SPECC1: variants seen among roughly 807,000 people sequenced by gnomAD.
The protein encoded by SPECC1 is sperm antigen with calponin homology and coiled-coil domains 1.
SPECC1 carries 62 observed loss-of-function variants against 104.1 expected under a neutral mutation model. The ratio of observed to expected loss-of-function variants is 0.60; its 90% CI spans 0.49 to 0.74. SPECC1 has a LOEUF of 0.74. Ranked by LOEUF, SPECC1 falls within the 30% of genes least tolerant of loss-of-function variation. The probability of loss-of-function intolerance (pLI) is 0.00; values close to 1 mark genes in which losing one functional copy is unlikely to be tolerated. For synonymous variants in SPECC1, 513 were observed against 501.6 expected, an observed-to-expected ratio of 1.02 and a Z score of -0.30; for missense variants, 1,306 against 1,310.5, an observed-to-expected ratio of 1.00 and a Z score of 0.05.
chr17:20,174,908 C>G (rs76668282), intron 3 of SPECC1, among the ~76,000 whole-genome samples: 8,535 of 151,444 alleles, frequency 0.056, 320 homozygotes, highest in Non-Finnish European at 0.084. Flanking sequence ...TCAAAATGAC[C>G]AAGGCAAAAT....
At chr17:20,202,347 A>T (rs1465906560) in intron 3 of SPECC1, among the ~76,000 whole-genome samples, 1 of 152,088 alleles carries the variant, frequency 6.6e-6, no homozygotes, top group Non-Finnish European at 1.5e-5. Flanking sequence ...ATTCTTGAGT[A>T]TGTTTTGTTG....
intron 2 of SPECC1, among the ~76,000 whole-genome samples, chr17:20,101,698 C>T (rs1253845601): frequency 6.6e-6 from 1 of 152,164 alleles, no homozygotes; most frequent in African/African-American, 2.4e-5. Context: ...GAAACATTGG[C>T]TTAAGCTTGC....
chr17:20,217,837 C>G (rs9899251), intron 4 of SPECC1, among the ~76,000 whole-genome samples: 11,371 of 152,082 alleles, frequency 0.075, 625 homozygotes, highest in African/African-American at 0.15. Flanking sequence ...TCACTTAAGC[C>G]CGGGAGCCTG....
rs553436262 is a variant in SPECC1, at chr17:20,209,126, C to T, written c.1863+3214C>T. On this transcript the variant is annotated intron_variant, in intron 4 of 14. Transcript: ENST00000395527. Reference sequence around the variant, plus strand: ...GTGCTCTAGTGTAAAATCATGCTTGCATTCCTGGGGTAAATCCTAATTCTT... The same window carrying T: ...GTGCTCTAGTGTAAAATCATGCTTGTATTCCTGGGGTAAATCCTAATTCTT... Among the ~76,000 whole-genome samples, 37 of 152,296 alleles carry T rather than the reference C, an allele frequency of 2.4e-4. 1 individual carries two copies. Among genetic ancestry groups the T allele is most frequent in the Non-Finnish European group, 5.0e-4 (34 of 68,038 alleles).
At chr17:20,033,999 AT>A (rs2044944385) in intron 1 of SPECC1, among the ~76,000 whole-genome samples, 1 of 152,226 alleles carries the variant, frequency 6.6e-6, no homozygotes, top group African/African-American at 2.4e-5. Context: ...TGGTTGCTCT[AT>A]TTAACAATGC....
At chr17:20,173,814 T>A (rs2034267894) in intron 3 of SPECC1, among the ~76,000 whole-genome samples, 1 of 152,248 alleles carries the variant, frequency 6.6e-6, no homozygotes, top group Non-Finnish European at 1.5e-5. Flanking sequence ...ATTATAACAT[T>A]TTGGGCCTGA....
chr17:20,051,084 C>CTT (rs2045738173), intron 1 of SPECC1, among the ~76,000 whole-genome samples: 1 of 75,472 alleles, frequency 1.3e-5, no homozygotes, highest in South Asian at 5.3e-4. Flanking sequence ...TTCTTTCTTT[C>CTT]TTTCTTTCTT....
intron 12 of SPECC1, among the ~76,000 whole-genome samples, chr17:20,290,887 G>A (rs572514876): frequency 7.2e-5 from 11 of 152,264 alleles, no homozygotes; most frequent in Non-Finnish European, 1.2e-4. Context: ...TTGAGCTTCC[G>A]GATCCATCTG....
At position 20,314,335 on chromosome 17, in the gene SPECC1, A is replaced by AC. The variant is rs1567629161; in HGVS notation, c.*272dup. ...AAGAGGGCAGCCTCCCTCCTTCCAGACCAAGACCCCACACCCAGGCTTGTT... is the reference window on the plus strand; with the variant it reads ...AAGAGGGCAGCCTCCCTCCTTCCAGACCCAAGACCCCACACCCAGGCTTGTT... On this transcript the variant is annotated 3_prime_UTR_variant, in exon 15 of 15. Transcript: ENST00000395527. 9 of 459,170 alleles carry AC rather than the reference A, an allele frequency of 2.0e-5. No individual in the cohort carries two copies. Among genetic ancestry groups the AC allele is most frequent in the Non-Finnish European group, 2.4e-5 (6 of 250,382 alleles). 28.4% of individuals were successfully genotyped at this position (459,170 alleles called of 1,614,324 possible).
chr17:20,252,598 G>A (rs1029274519), intron 9 of SPECC1, among the ~76,000 whole-genome samples: 3 of 152,118 alleles, frequency 2.0e-5, no homozygotes, highest in Non-Finnish European at 4.4e-5. Context: ...GATTCCTCAC[G>A]TACATAGAGT....
At chr17:20,172,828 G>T (rs2034191476) in intron 3 of SPECC1, among the ~76,000 whole-genome samples, 1 of 152,222 alleles carries the variant, frequency 6.6e-6, no homozygotes, top group Non-Finnish European at 1.5e-5. Flanking sequence ...AACTTGAAGA[G>T]AACTGATACA....
At chr17:20,026,949 T>A (rs970812424) in intron 1 of SPECC1, among the ~76,000 whole-genome samples, 1 of 149,700 alleles carries the variant, frequency 6.7e-6, no homozygotes, top group Non-Finnish European at 1.5e-5. Flanking sequence ...CAGCATCCAT[T>A]ATATTTTGTC....
intron 7 of SPECC1, among the ~76,000 whole-genome samples, chr17:20,244,429 C>T (rs961140753): frequency 2.6e-5 from 4 of 152,092 alleles, no homozygotes; most frequent in African/African-American, 9.7e-5. Context: ...TTTAAAAACC[C>T]AACCTCCTAC....
Position 20,255,861 on chromosome 17 carries a change from C to T in SPECC1, c.2681-1590C>T, listed in dbSNP as rs770502573. 7.9e-5 allele frequency among the ~76,000 whole-genome samples: 12 copies of T among 151,528 alleles called. No homozygotes were observed. In the South Asian group the frequency reaches 1.0e-3, roughly 13 times the overall value. Reference sequence around the variant, plus strand: ...CGCTGGGATTACAGTTATGAGCCATCATGCCTGGCCAAGAAACCATTCTTT... The same window carrying T: ...CGCTGGGATTACAGTTATGAGCCATTATGCCTGGCCAAGAAACCATTCTTT... On this transcript the variant is annotated intron_variant, in intron 10 of 14. Coordinates refer to ENST00000395527, the MANE Select transcript of SPECC1 (RefSeq NM_001243439.2).
intron 4 of SPECC1, among the ~76,000 whole-genome samples, chr17:20,213,092 C>CT (rs909623277): frequency 1.3e-4 from 19 of 151,626 alleles, no homozygotes; most frequent in Middle Eastern, 3.4e-3. Context: ...AGCTCTTATT[C>CT]TTTTTTTTCT....
intron 10 of SPECC1, among the ~76,000 whole-genome samples, chr17:20,256,691 C>T (rs1177850429): frequency 6.6e-6 from 1 of 152,158 alleles, no homozygotes; most frequent in Non-Finnish European, 1.5e-5. Context: ...AAAGATGTCT[C>T]CTGTTCCGCA....
intron 4 of SPECC1, among the ~76,000 whole-genome samples, chr17:20,219,361 A>G (rs1017086983): frequency 1.3e-5 from 2 of 152,202 alleles, no homozygotes; most frequent in Non-Finnish European, 2.9e-5. Flanking sequence ...GATAAAAGCC[A>G]TTTTAATTGG....
chr17:20,123,609 CAT>C (rs1179109140), intron 3 of SPECC1, among the ~76,000 whole-genome samples: 12 of 152,328 alleles, frequency 7.9e-5, no homozygotes, highest in African/African-American at 2.9e-4. Flanking sequence ...CCCCATCTGA[CAT>C]GTGAAGAAGC....
At chr17:20,046,493 A>G (rs1327218413) in intron 1 of SPECC1, among the ~76,000 whole-genome samples, 1 of 152,198 alleles carries the variant, frequency 6.6e-6, no homozygotes, top group Non-Finnish European at 1.5e-5. Context: ...ATAAATAGAC[A>G]GAAATCCCTG....
Sources: allele counts gnomAD v4.1 joint callset (sites outside exome capture counted in the v4.1 genomes callset), GRCh38; gene constraint gnomAD v4.1.1; transcripts MANE v1.5; gene names NCBI Gene and HGNC (gene_info 2026-07-23, HGNC 2026-07-21).